Variants in ADAMTS12 observed in about 807,000 individuals in gnomAD.
The protein encoded by ADAMTS12 is ADAM metallopeptidase with thrombospondin type 1 motif 12.
A neutral mutation model predicts 167.8 loss-of-function variants in ADAMTS12; 118 were observed. The observed-to-expected ratio is 0.70, with a 90% CI of 0.61 to 0.82. The LOEUF is 0.82. Among genes scored for constraint, ADAMTS12 ranks in the 40% least tolerant of loss-of-function variants. The pLI is 0.00. For missense variants in ADAMTS12, 1,916 were observed against 1,998.8 expected, an observed-to-expected ratio of 0.96 and a Z score of 0.79; for synonymous variants, 704 against 716.9, an observed-to-expected ratio of 0.98 and a Z score of 0.29.
chr5:33,827,363 A>T (rs1162080657), intron 2 of ADAMTS12, among the ~76,000 whole-genome samples: 1 of 152,002 alleles, frequency 6.6e-6, no homozygotes, highest in African/African-American at 2.4e-5. Flanking sequence ...CTACAGCTGC[A>T]AAGAACTGAG....
chr5:33,584,456 G>A (rs893798398), intron 18 of ADAMTS12, among the ~76,000 whole-genome samples: 1 of 151,974 alleles, frequency 6.6e-6, no homozygotes, highest in African/African-American at 2.4e-5. Context: ...TAAAATGAAT[G>A]AGCTCCCTGA....
At chr5:33,563,475 A>T (rs1745848029) in intron 19 of ADAMTS12, among the ~76,000 whole-genome samples, 1 of 152,124 alleles carries the variant, frequency 6.6e-6, no homozygotes, top group South Asian at 2.1e-4. Flanking sequence ...CTGCTGGAGG[A>T]TGAGGGCTCA....
chr5:33,754,106 C>A (rs1745088148), intron 2 of ADAMTS12, among the ~76,000 whole-genome samples: 1 of 152,120 alleles, frequency 6.6e-6, no homozygotes, highest in Admixed American at 6.5e-5. Flanking sequence ...CAGGTGGGCC[C>A]AGTTTATTGA....
intron 2 of ADAMTS12, among the ~76,000 whole-genome samples, chr5:33,788,168 T>C (rs891201016): frequency 6.6e-6 from 1 of 152,210 alleles, no homozygotes; most frequent in African/African-American, 2.4e-5. Context: ...AGATGGCTCC[T>C]TCTGAACAGC....
chr5:33,631,048 A>C, intron 12 of ADAMTS12, 135 bp from the exon 13 acceptor site: 1 of 916,476 alleles, frequency 1.1e-6, no homozygotes, highest in Non-Finnish European at 1.6e-6. Context: ...CTTGAGACAC[A>C]TGCTGAAATA....
At chr5:33,655,261 T>G (rs930631851) in intron 7 of ADAMTS12, among the ~76,000 whole-genome samples, 8 of 152,102 alleles carry the variant, frequency 5.3e-5, no homozygotes, top group African/African-American at 1.9e-4. Context: ...ATGCATCTCT[T>G]TACCTGGGAT....
chr5:33,699,978 T>G, intron 3 of ADAMTS12, among the ~76,000 whole-genome samples: 1 of 152,042 alleles, frequency 6.6e-6, no homozygotes, highest in Non-Finnish European at 1.5e-5. Context: ...GAAATGCAAA[T>G]TAAAGCCACA....
At chr5:33,764,053 GCTT>G (rs1280084647) in intron 2 of ADAMTS12, among the ~76,000 whole-genome samples, 3 of 152,132 alleles carry the variant, frequency 2.0e-5, no homozygotes, top group African/African-American at 7.2e-5. Flanking sequence ...AACAATAGTG[GCTT>G]CTTCTATAAA....
chr5:33,571,237 CAA>C (rs1471655997), intron 19 of ADAMTS12, among the ~76,000 whole-genome samples: 3 of 152,088 alleles, frequency 2.0e-5, no homozygotes, highest in African/African-American at 7.2e-5. Flanking sequence ...AGCTCTGCAC[CAA>C]GTGGACCTAA....
At chr5:33,661,059 C>T (rs1270461642) in intron 6 of ADAMTS12, among the ~76,000 whole-genome samples, 1 of 152,162 alleles carries the variant, frequency 6.6e-6, no homozygotes, top group Admixed American at 6.5e-5. Flanking sequence ...AAGGGCCTTT[C>T]AGTGCTTGAA....
At chr5:33,888,750 C>T (rs560024780) in intron 1 of ADAMTS12, among the ~76,000 whole-genome samples, 1 of 152,260 alleles carries the variant, frequency 6.6e-6, no homozygotes, top group East Asian at 1.9e-4. Flanking sequence ...ATATGATTGG[C>T]TGTAGAAGAC....
At chr5:33,598,328 A>G (rs1205922666) in intron 16 of ADAMTS12, among the ~76,000 whole-genome samples, 2 of 152,154 alleles carry the variant, frequency 1.3e-5, no homozygotes, top group African/African-American at 4.8e-5. Flanking sequence ...CTTCTTTCTC[A>G]AGTCTGATGC....
At chr5:33,607,101 A>G (rs888427526) in intron 16 of ADAMTS12, among the ~76,000 whole-genome samples, 2 of 151,788 alleles carry the variant, frequency 1.3e-5, no homozygotes, top group Non-Finnish European at 2.9e-5. Context: ...AATAGAAGAA[A>G]TTTTTTTTTC....
intron 3 of ADAMTS12, among the ~76,000 whole-genome samples, chr5:33,715,293 A>G (rs1743562678): frequency 6.6e-6 from 1 of 152,066 alleles, no homozygotes; most frequent in Admixed American, 6.6e-5. Context: ...GGAAATCAGT[A>G]TGTCTCTATT....
chr5:33,657,509 T>A (rs1005257203), intron 7 of ADAMTS12, among the ~76,000 whole-genome samples: 1 of 152,216 alleles, frequency 6.6e-6, no homozygotes, highest in Non-Finnish European at 1.5e-5. Flanking sequence ...ACCTCTGATA[T>A]CTGGTGAATT....
chr5:33,683,779 G>C, intron 4 of ADAMTS12, 80 bp downstream of exon 4: 1 of 1,124,622 alleles, frequency 8.9e-7, no homozygotes, highest in Non-Finnish European at 1.2e-6. Flanking sequence ...CCCCAAAAAG[G>C]CCTTTCTTAT....
At chr5:33,643,341 C>A in intron 10 of ADAMTS12, 37 bp downstream of exon 10, 2 of 1,607,474 alleles carry the variant, frequency 1.2e-6, no homozygotes, top group Non-Finnish European at 1.7e-6. Context: ...ACTCTGCCCA[C>A]CGCCCTCCCA....
chr5:33,624,768 A>G (rs1432955206), intron 13 of ADAMTS12, among the ~76,000 whole-genome samples: 1 of 152,106 alleles, frequency 6.6e-6, no homozygotes, highest in Non-Finnish European at 1.5e-5. Flanking sequence ...GAATCATGAC[A>G]CTTAGATTGA....
At chr5:33,890,614 G>A (rs938422749) in intron 1 of ADAMTS12, among the ~76,000 whole-genome samples, 4 of 152,176 alleles carry the variant, frequency 2.6e-5, no homozygotes, top group African/African-American at 9.7e-5. Flanking sequence ...GAAAGTCATG[G>A]AGGACACTTC....
Sources: allele counts gnomAD v4.1 joint callset (sites outside exome capture counted in the v4.1 genomes callset), GRCh38; gene constraint gnomAD v4.1.1; transcripts MANE v1.5; gene names NCBI Gene and HGNC (gene_info 2026-07-23, HGNC 2026-07-21).